The following WDR7 variants were observed in gnomAD, a reference collection of about 807,000 sequenced individuals.
The protein encoded by WDR7 is WD repeat-containing protein 7.
A neutral mutation model predicts 169.4 loss-of-function variants in WDR7; 46 were observed. The observed-to-expected ratio is 0.27, with a 90% confidence interval of 0.21 to 0.35. The LOEUF (loss-of-function observed/expected upper bound fraction) is 0.35, where lower values mean the gene tolerates loss of function less well. Among genes scored for constraint, WDR7 ranks in the 10% least tolerant of loss-of-function variants. WDR7 has a pLI of 1.00. For missense variants in WDR7, 1,534 were observed against 1,859.3 expected, an observed-to-expected ratio of 0.83 and a Z score of 3.22; for synonymous variants, 612 against 666.8, an observed-to-expected ratio of 0.92 and a Z score of 1.27.
intron 20 of WDR7, among the ~76,000 whole-genome samples, chr18:56,868,578 A>G (rs1213649181): frequency 6.6e-6 from 1 of 152,108 alleles, no homozygotes; most frequent in African/African-American, 2.4e-5. Flanking sequence ...GAAACGTACC[A>G]TGTCTACCCC....
intron 27 of WDR7, among the ~76,000 whole-genome samples, chr18:57,022,393 C>G (rs1049999916): frequency 6.6e-6 from 1 of 152,174 alleles, no homozygotes; most frequent in Non-Finnish European, 1.5e-5. Context: ...GTGGTAGGTA[C>G]TGGCCTGTGC....
chr18:56,823,472 G>A (rs1034322359), intron 20 of WDR7, among the ~76,000 whole-genome samples: 10 of 152,240 alleles, frequency 6.6e-5, no homozygotes, highest in African/African-American at 2.2e-4. Flanking sequence ...TTTAATCCCA[G>A]CTACTTGGGA....
At chr18:56,816,315 A>G (rs1371165297) in intron 20 of WDR7, among the ~76,000 whole-genome samples, 171 bp downstream of exon 20, 1 of 152,206 alleles carries the variant, frequency 6.6e-6, no homozygotes, top group Admixed American at 6.5e-5. Context: ...TTTGAGGTGA[A>G]AAGAAGTGGA....
chr18:56,692,759 G>A (rs609263), intron 9 of WDR7, among the ~76,000 whole-genome samples: 138,937 of 152,058 alleles, frequency 0.91, 64,665 homozygotes, highest in Non-Finnish European at 1. Flanking sequence ...TCCCTAATAC[G>A]TTTTAAATTA....
chr18:56,958,585 T>G (rs2047290163), intron 25 of WDR7, among the ~76,000 whole-genome samples: 1 of 152,156 alleles, frequency 6.6e-6, no homozygotes, highest in African/African-American at 2.4e-5. Flanking sequence ...CCCTAATATA[T>G]AACTACATAT....
intron 26 of WDR7, chr18:57,010,396 A>C (rs961618451): frequency 1.7e-6 from 1 of 605,212 alleles, no homozygotes; most frequent in Admixed American, 6.3e-5. Flanking sequence ...TAGAGTGTCC[A>C]TGAATCATCT....
intron 26 of WDR7, among the ~76,000 whole-genome samples, chr18:57,008,526 G>C (rs560030441): frequency 6.6e-6 from 1 of 152,200 alleles, no homozygotes; most frequent in Non-Finnish European, 1.5e-5. Context: ...TGACACGGGA[G>C]TGCTGGCCGT....
intron 16 of WDR7, among the ~76,000 whole-genome samples, chr18:56,768,159 T>A (rs2044096299): frequency 6.6e-6 from 1 of 152,194 alleles, no homozygotes; most frequent in African/African-American, 2.4e-5. Context: ...CCTGGTCAAG[T>A]CTGAAGATTT....
chr18:56,720,242 T>C (rs1354571186), intron 13 of WDR7, among the ~76,000 whole-genome samples: 1 of 151,556 alleles, frequency 6.6e-6, no homozygotes, highest in Non-Finnish European at 1.5e-5. Flanking sequence ...AGCCAAGGAG[T>C]TTGAGACCAG....
chr18:56,790,957 G>A (rs746253804), intron 19 of WDR7, among the ~76,000 whole-genome samples: 11 of 152,062 alleles, frequency 7.2e-5, no homozygotes, highest in Non-Finnish European at 1.6e-4. Context: ...CCAGTCATCT[G>A]TAACAGTACT....
intron 26 of WDR7, among the ~76,000 whole-genome samples, chr18:56,986,412 G>A (rs774770254): frequency 1.8e-4 from 28 of 151,936 alleles, no homozygotes; most frequent in Admixed American, 7.2e-4. Flanking sequence ...CCTTTGTTCT[G>A]GTTTATGGAT....
At chr18:56,939,214 A>T in intron 24 of WDR7, 97 bp from the exon 25 acceptor site, 7 of 832,560 alleles carry the variant, frequency 8.4e-6, no homozygotes, top group Non-Finnish European at 5.4e-6. Flanking sequence ...AAAGCTATAT[A>T]GACTTTCTAT....
chr18:56,991,811 A>G (rs1338664824), intron 26 of WDR7, among the ~76,000 whole-genome samples: 2 of 152,262 alleles, frequency 1.3e-5, no homozygotes, highest in East Asian at 3.8e-4. Context: ...GCGATCTCTA[A>G]GAACAAACTG....
At chr18:57,004,942 T>C (rs1371184046) in intron 26 of WDR7, among the ~76,000 whole-genome samples, 1 of 152,198 alleles carries the variant, frequency 6.6e-6, no homozygotes, top group Admixed American at 6.5e-5. Flanking sequence ...TATTAACTCG[T>C]ACTCACACCT....
At chr18:56,672,148 C>T (rs529118679) in intron 1 of WDR7, among the ~76,000 whole-genome samples, 5 of 152,144 alleles carry the variant, frequency 3.3e-5, no homozygotes, top group East Asian at 1.9e-4. Context: ...TACATAAAAG[C>T]GCTTTATAAA....
intron 12 of WDR7, among the ~76,000 whole-genome samples, chr18:56,712,166 G>A (rs906757013): frequency 6.6e-6 from 1 of 152,224 alleles, no homozygotes; most frequent in African/African-American, 2.4e-5. Flanking sequence ...TTGGAAAGTG[G>A]AGTCATCTCC....
chr18:56,769,198 T>A (rs2044114275), intron 16 of WDR7, among the ~76,000 whole-genome samples: 1 of 151,808 alleles, frequency 6.6e-6, no homozygotes, highest in African/African-American at 2.4e-5. Flanking sequence ...GTAAGTCTGC[T>A]CATGGCTTTA....
At position 56,840,827 on chromosome 18, in the gene WDR7, G is replaced by GA. The variant is rs1199353016; in HGVS notation, c.3304+24693dup. On this transcript the variant is annotated intron_variant, in intron 20 of 27. Transcript: ENST00000254442. ...GAGTGAGATCTTGTCTCAAAAAAAA[G>GA]AAAAAAAAAAGACCCCATTTCCCAC... Among the ~76,000 whole-genome samples the GA allele has an allele frequency of 1.2e-3, 171 of 141,534 alleles. 1 individual carries two copies. Among genetic ancestry groups the GA allele is most frequent in the African/African-American group, 3.0e-3 (117 of 38,564 alleles). 92.9% of individuals were successfully genotyped at this position (141,534 alleles called of 152,430 possible).
At chr18:56,688,979 A>T (rs576215250) in intron 7 of WDR7, among the ~76,000 whole-genome samples, 1 of 152,306 alleles carries the variant, frequency 6.6e-6, no homozygotes, top group African/African-American at 2.4e-5. Flanking sequence ...AGTATTTATT[A>T]AAAAACCCAA....
Sources: allele counts gnomAD v4.1 joint callset (sites outside exome capture counted in the v4.1 genomes callset), GRCh38; gene constraint gnomAD v4.1.1; transcripts MANE v1.5; gene names NCBI Gene and HGNC (gene_info 2026-07-23, HGNC 2026-07-21).